Variants in LRRC28 observed in about 807,000 individuals in gnomAD.
The protein encoded by LRRC28 is leucine rich repeat containing 28, also known as leucine-rich repeat-containing protein 28.
In LRRC28, 39 loss-of-function variants were observed where a neutral mutation model predicts 45.7. The ratio of observed to expected loss-of-function variants is 0.85; its 90% CI spans 0.66 to 1.12. The LOEUF is 1.12. Ranked by LOEUF, LRRC28 falls within the 50% of genes most tolerant of loss-of-function variation. The pLI, the probability that LRRC28 is intolerant of heterozygous loss-of-function variation, is 0.00. For synonymous variants in LRRC28, 206 were observed against 178.8 expected (o/e 1.15, Z -1.22); for missense variants, 435 against 438.5 (o/e 0.99, Z 0.07).
At chr15:99,341,372 G>A (rs547387082) in intron 6 of LRRC28, among the ~76,000 whole-genome samples, 19 of 152,214 alleles carry the variant, frequency 1.2e-4, no homozygotes, top group African/African-American at 3.9e-4. Flanking sequence ...GATTACAGGC[G>A]TGAGCCACCG....
At position 99,282,191 on chromosome 15, in the gene LRRC28, T is replaced by TTTTTTTTTTTTTTTTTTTTTTTTTTTG. The variant is rs1327794715; in HGVS notation, c.210-5066_210-5065insTTTTTTTTTTTTTTTTTTTTTTTTTTG. 1.4e-5 allele frequency among the ~76,000 whole-genome samples: 2 copies of TTTTTTTTTTTTTTTTTTTTTTTTTTTG among 138,384 alleles called. 1 individual carries two copies. Among genetic ancestry groups the TTTTTTTTTTTTTTTTTTTTTTTTTTTG allele is most frequent in the Non-Finnish European group, 3.1e-5 (2 of 64,398 alleles). The allele number at this position is 138,384 out of a possible 152,430, so 90.8% of individuals were successfully genotyped here. On this transcript the variant is annotated intron_variant, in intron 3 of 9. Transcript: ENST00000301981. ...AATTTTTGGAGGTTTTTTTTTTTTT[T>TTTTTTTTTTTTTTTTTTTTTTTTTTTG]GTAGCAGTAGCTCTCTCTTCTTCAG...
chr15:99,302,428 G>A (rs541662598), intron 5 of LRRC28, among the ~76,000 whole-genome samples: 2 of 151,764 alleles, frequency 1.3e-5, no homozygotes, highest in Admixed American at 1.3e-4. Flanking sequence ...CACTCTTGTT[G>A]CCCAGGCTGG....
chr15:99,262,686 C>T (rs1470876378), intron 2 of LRRC28, among the ~76,000 whole-genome samples: 2 of 151,984 alleles, frequency 1.3e-5, no homozygotes, highest in Non-Finnish European at 2.9e-5. Context: ...CTGTGTTGCC[C>T]AGGTTGGAGT....
intron 5 of LRRC28, among the ~76,000 whole-genome samples, chr15:99,311,988 T>C (rs1175438881): frequency 6.6e-6 from 1 of 152,196 alleles, no homozygotes; most frequent in African/African-American, 2.4e-5. Context: ...TGAAATATAT[T>C]GTGATTAATG....
intron 6 of LRRC28, among the ~76,000 whole-genome samples, chr15:99,344,165 C>T (rs1956609099): frequency 6.6e-6 from 1 of 152,086 alleles, no homozygotes. Context: ...GTATCGAGTA[C>T]CAATTATTTT....
At chr15:99,307,349 C>T (rs1315921472) in intron 5 of LRRC28, among the ~76,000 whole-genome samples, 1 of 152,098 alleles carries the variant, frequency 6.6e-6, no homozygotes, top group African/African-American at 2.4e-5. Flanking sequence ...GTAAGATTTC[C>T]CATCCCATAA....
intron 9 of LRRC28, among the ~76,000 whole-genome samples, chr15:99,369,318 A>C (rs1230218354): frequency 6.6e-6 from 1 of 152,034 alleles, no homozygotes; most frequent in Non-Finnish European, 1.5e-5. Flanking sequence ...CCACTTCCAC[A>C]TTTTTAGGTA....
chr15:99,301,361 CTTAA>C (rs1379090279), intron 5 of LRRC28, among the ~76,000 whole-genome samples: 1 of 152,128 alleles, frequency 6.6e-6, no homozygotes, highest in Non-Finnish European at 1.5e-5. Flanking sequence ...TTCTGTACTT[CTTAA>C]TTTTTTCCTA....
chr15:99,381,494 G>C (rs1957822147), intron 9 of LRRC28, among the ~76,000 whole-genome samples: 1 of 152,128 alleles, frequency 6.6e-6, no homozygotes, highest in African/African-American at 2.4e-5. Flanking sequence ...CCTTTAGCTT[G>C]GAGAAGTTTG....
chr15:99,325,267 C>G (rs1955935115), intron 5 of LRRC28, among the ~76,000 whole-genome samples: 1 of 152,042 alleles, frequency 6.6e-6, no homozygotes, highest in South Asian at 2.1e-4. Context: ...AATTGATTTT[C>G]TAATATTGAT....
chr15:99,293,593 C>CAAAAAAAAAAAAAAAAAAAAAAAAA lies in LRRC28; in HGVS notation c.385+5658_385+5682dup, dbSNP rs57442636. 5.9e-4 allele frequency among the ~76,000 whole-genome samples: 26 copies of CAAAAAAAAAAAAAAAAAAAAAAAAA among 44,080 alleles called. 6 individuals are homozygous for CAAAAAAAAAAAAAAAAAAAAAAAAA. The highest frequency in any genetic ancestry group is 1.0e-3 in the Non-Finnish European group (23 of 22,732). The allele number at this position is 44,080 out of a possible 152,430, so 28.9% of individuals were successfully genotyped here. On this transcript the variant is annotated intron_variant, in intron 5 of 9. Transcript: ENST00000301981. ...GGGCAACAAGAACGAAACTCTGTCA[C>CAAAAAAAAAAAAAAAAAAAAAAAAA]AAAAAAAAAAAAAAAAAAAAAAAAA...
chr15:99,256,548 A>G (rs991445551), intron 2 of LRRC28, among the ~76,000 whole-genome samples: 2 of 152,210 alleles, frequency 1.3e-5, no homozygotes, highest in Non-Finnish European at 2.9e-5. Flanking sequence ...TTAAAGGGAG[A>G]ATGATTTGAA....
At chr15:99,268,619 G>C (rs965147123) in intron 2 of LRRC28, among the ~76,000 whole-genome samples, 3 of 152,148 alleles carry the variant, frequency 2.0e-5, no homozygotes, top group African/African-American at 7.2e-5. Context: ...CATACGTTAT[G>C]TAAGTAAGGC....
intron 5 of LRRC28, among the ~76,000 whole-genome samples, chr15:99,305,710 A>G (rs2086246667): frequency 6.6e-6 from 1 of 152,158 alleles, no homozygotes. Flanking sequence ...GAGGAATATT[A>G]TGTATTTTTC....
intron 9 of LRRC28, among the ~76,000 whole-genome samples, chr15:99,381,785 C>G (rs1957833298): frequency 6.6e-6 from 1 of 152,352 alleles, no homozygotes; most frequent in South Asian, 2.1e-4. Context: ...TTGGAGTTTG[C>G]TGGAGGTCCA....
chr15:99,284,963 A>T (rs2081917883), intron 3 of LRRC28: 2 of 620,852 alleles, frequency 3.2e-6, no homozygotes, highest in Non-Finnish European at 3.1e-6. Context: ...AACCACCTCC[A>T]CGACCACCAT....
intron 5 of LRRC28, among the ~76,000 whole-genome samples, chr15:99,324,694 A>T (rs568372338): frequency 6.6e-6 from 1 of 152,342 alleles, no homozygotes; most frequent in African/African-American, 2.4e-5. Context: ...AGAATACTCT[A>T]TAAGTAGCTG....
intron 9 of LRRC28, among the ~76,000 whole-genome samples, chr15:99,381,173 C>G (rs150601109): frequency 0.022 from 3,305 of 152,294 alleles, 51 homozygotes; most frequent in Non-Finnish European, 0.034. Context: ...GTATACCAAT[C>G]AGACGTAGAT....
intron 9 of LRRC28, among the ~76,000 whole-genome samples, chr15:99,367,054 A>G (rs1957359727): frequency 6.6e-6 from 1 of 152,198 alleles, no homozygotes; most frequent in Non-Finnish European, 1.5e-5. Context: ...CAGTTTCTAG[A>G]CACTATCTTA....
Sources: gnomAD v4.1 joint callset for allele counts (sites outside exome capture counted in the v4.1 genomes callset) on GRCh38, gnomAD v4.1.1 for gene constraint, MANE v1.5 for transcripts, NCBI Gene and HGNC (gene_info 2026-07-23, HGNC 2026-07-21) for gene names.